Variants in ABCG2 observed in about 807,000 individuals in gnomAD.
ABCG2 encodes ATP binding cassette subfamily G member 2 (JR blood group).
In ABCG2, 80 loss-of-function variants were observed where a neutral mutation model predicts 73.5. The observed-to-expected ratio is 1.09, with a 90% confidence interval of 0.91 to 1.31. The LOEUF (loss-of-function observed/expected upper bound fraction) is 1.31. Ranked by LOEUF, ABCG2 falls within the 50% of genes most tolerant of loss-of-function variation. The pLI, the probability that ABCG2 is intolerant of heterozygous loss-of-function variation, is 0.00. For missense variants in ABCG2, 796 were observed against 786.2 expected (o/e 1.01, Z -0.15); for synonymous variants, 269 against 282.4 (o/e 0.95, Z 0.48).
In ABCG2 at chr4:88,090,978, A is replaced by G. The variant is rs1054714130; in HGVS notation, c.*1256T>C. The G allele has an allele frequency of 6.6e-6, 1 of 152,262 alleles. No individual in the cohort carries two copies. The highest frequency in any genetic ancestry group is 1.5e-5 in the Non-Finnish European group (1 of 68,042). 9.4% of individuals were successfully genotyped at this position (152,262 alleles called of 1,614,324 possible). A position where few individuals can be genotyped will look rare whatever the true frequency, so the allele number is the denominator to read the frequency against. On this transcript the variant is annotated 3_prime_UTR_variant, in exon 16 of 16. Coordinates refer to ENST00000237612, the MANE Select transcript of ABCG2 (RefSeq NM_004827.3). ...AAAATTATTTCCAAATTAAAAGTTT[A>G]TTAAAAAGTGGGGAGATAATTAAGT...
intron 1 of ABCG2, among the ~76,000 whole-genome samples, chr4:88,217,842 T>C (rs1357700384): frequency 1.3e-5 from 2 of 152,024 alleles, no homozygotes; most frequent in East Asian, 3.9e-4. Flanking sequence ...AGCATGTTCC[T>C]GTAGTCCCAA....
intron 1 of ABCG2, among the ~76,000 whole-genome samples, chr4:88,189,989 A>G (rs1728620067): frequency 6.6e-6 from 1 of 152,228 alleles, no homozygotes; most frequent in Non-Finnish European, 1.5e-5. Flanking sequence ...TTAAAGTGGT[A>G]TGAATGAATG....
intron 1 of ABCG2, 74 bp downstream of exon 1, chr4:88,158,312 C>T (rs1176132133): frequency 3.1e-6 from 1 of 325,524 alleles, no homozygotes. Context: ...GATTTTCTAA[C>T]AAATATATAC....
At chr4:88,149,373 C>G (rs571135259) in intron 1 of ABCG2, among the ~76,000 whole-genome samples, 8 of 152,332 alleles carry the variant, frequency 5.3e-5, no homozygotes, top group African/African-American at 1.7e-4. Context: ...TTTTCTTAAT[C>G]TAATCTGCAA....
At chr4:88,217,618 C>T (rs1053285094) in intron 1 of ABCG2, among the ~76,000 whole-genome samples, 9 of 151,254 alleles carry the variant, frequency 6.0e-5, no homozygotes, top group African/African-American at 1.5e-4. Context: ...GCCAAGATCA[C>T]GCCACAGCAC....
At position 88,127,475 on chromosome 4, in the gene ABCG2, T is replaced by C. The variant is rs150136416; in HGVS notation, c.531+3586A>G. ...AGCCTGTATAGCCAAGACAATCCTA[T>C]GCAAAAAGAACAAAGCTGGAGGCAT... On this transcript the variant is annotated intron_variant, in intron 5 of 15. Coordinates refer to ENST00000237612, the MANE Select transcript of ABCG2 (RefSeq NM_004827.3). 3.2e-3 allele frequency among the ~76,000 whole-genome samples: 482 copies of C among 152,076 alleles called. 2 individuals are homozygous for C. Among genetic ancestry groups the C allele is most frequent in the African/African-American group, 0.011 (457 of 41,508 alleles).
intron 1 of ABCG2, among the ~76,000 whole-genome samples, chr4:88,177,573 A>G (rs982806563): frequency 5.3e-5 from 8 of 152,126 alleles, no homozygotes; most frequent in African/African-American, 1.7e-4. Flanking sequence ...AAATTGAACC[A>G]CTATCTACCC....
intron 1 of ABCG2, among the ~76,000 whole-genome samples, chr4:88,211,358 G>GGCCCC (rs1553900212): frequency 3.0e-5 from 1 of 33,674 alleles, no homozygotes; most frequent in Non-Finnish European, 5.6e-5. Flanking sequence ...TTCAACCCCT[G>GGCCCC]CCCCACCCCC....
At chr4:88,092,432 T>A (rs749920850) in intron 15 of ABCG2, 51 bp from the exon 16 acceptor site, 41 of 1,579,186 alleles carry the variant, frequency 2.6e-5, no homozygotes, top group Middle Eastern at 1.7e-4. Flanking sequence ...ATCCGTCAAA[T>A]GTTACTCAGT....
intron 1 of ABCG2, among the ~76,000 whole-genome samples, chr4:88,216,541 C>G (rs1461602322): frequency 1.3e-5 from 2 of 152,108 alleles, no homozygotes; most frequent in South Asian, 2.1e-4. Flanking sequence ...TTTCCCTCAC[C>G]AAGGCTGCTG....
At chr4:88,177,874 A>T (rs1728075693) in intron 1 of ABCG2, among the ~76,000 whole-genome samples, 1 of 152,160 alleles carries the variant, frequency 6.6e-6, no homozygotes, top group African/African-American at 2.4e-5. Context: ...CAGCATTTAG[A>T]CCAGAGGTAA....
rs1444444284 is a variant in ABCG2, at chr4:88,090,528, CA to C, written c.*1705del. The C allele has an allele frequency of 6.6e-6, 1 of 151,956 alleles. No individual in the cohort carries two copies. 9.4% of individuals were successfully genotyped at this position (151,956 alleles called of 1,614,324 possible). A position where few individuals can be genotyped will look rare whatever the true frequency, so the allele number is the denominator to read the frequency against. ...GATGACGCATTAATCAAATGTCATC[CA>C]AAAAGAAAAAAGTTCAAAGATAAAA... On this transcript the variant is annotated 3_prime_UTR_variant, in exon 16 of 16. Coordinates refer to ENST00000237612, the MANE Select transcript of ABCG2 (RefSeq NM_004827.3).
At chr4:88,099,636 C>T (rs1368662597) in intron 11 of ABCG2, among the ~76,000 whole-genome samples, 188 bp from the exon 12 acceptor site, 1 of 152,150 alleles carries the variant, frequency 6.6e-6, no homozygotes, top group African/African-American at 2.4e-5. Context: ...GAGAAAGCAT[C>T]CCATGAAGCT....
At chr4:88,204,299 T>C (rs536348789) in intron 1 of ABCG2, among the ~76,000 whole-genome samples, 7 of 152,104 alleles carry the variant, frequency 4.6e-5, no homozygotes, top group Admixed American at 6.5e-5. Flanking sequence ...CAGGCGCCTG[T>C]AGTCCCAGCT....
intron 1 of ABCG2, among the ~76,000 whole-genome samples, chr4:88,171,107 G>A (rs924258614): frequency 2.0e-5 from 3 of 151,974 alleles, no homozygotes; most frequent in African/African-American, 4.8e-5. Flanking sequence ...AACAGACACG[G>A]GTCTACTTGA....
In ABCG2 at chr4:88,118,207, G is replaced by C. The variant is rs557785561; in HGVS notation, c.743C>G (p.Ser248Cys). Reference sequence around the variant, plus strand: ...GAGGCTATCAAACAACTTGAAGATGGAATATCGAGGCTGATGAATGGAGAA... The same window carrying C: ...GAGGCTATCAAACAACTTGAAGATGCAATATCGAGGCTGATGAATGGAGAA... ...IIFSIHQPRY[S>C]IFKLFDSLTL... The change falls in exon 7 of 16, where the codon TCC becomes TGC. Residue 248 changes from serine to cysteine, a missense_variant. Physicochemically the swap from Ser to Cys is moderately radical, Grantham distance 112. Coordinates refer to ENST00000237612, the MANE Select transcript of ABCG2 (RefSeq NM_004827.3). The C allele has an allele frequency of 1.5e-5, 24 of 1,614,138 alleles. No individual in the cohort carries two copies. Among genetic ancestry groups the C allele is most frequent in the African/African-American group, 6.7e-5 (5 of 75,050 alleles).
chr4:88,214,382 C>G (rs1233809000), intron 1 of ABCG2, among the ~76,000 whole-genome samples: 1 of 152,144 alleles, frequency 6.6e-6, no homozygotes, highest in Non-Finnish European at 1.5e-5. Context: ...TCAAAAGATA[C>G]TCACTTCTCC....
At position 88,131,867 on chromosome 4, in the gene ABCG2, T is replaced by C. The variant is rs1724910246; in HGVS notation, c.314A>G (p.Asp105Gly). ...TCGCGGTGCTCCATTTATCAGAACATCTCCAGATAATCCACTTGGATCTTT... is the reference window on the plus strand; with the variant it reads ...TCGCGGTGCTCCATTTATCAGAACACCTCCAGATAATCCACTTGGATCTTT... ...ARKDPSGLSGDVLINGAPRPA... is the reference protein window; with the variant it reads ...ARKDPSGLSGGVLINGAPRPA... The change falls in exon 4 of 16, where the codon GAT becomes GGT. Residue 105 changes from aspartate (D) to glycine (G), a missense_variant. Transcript: ENST00000237612. The C allele has an allele frequency of 6.2e-7, 1 of 1,613,826 alleles. No individual in the cohort carries two copies. Among genetic ancestry groups the C allele is most frequent in the African/African-American group, 1.3e-5 (1 of 74,906 alleles).
chr4:88,164,543 A>G (rs549720655), intron 1 of ABCG2, among the ~76,000 whole-genome samples: 2 of 152,240 alleles, frequency 1.3e-5, no homozygotes, highest in South Asian at 4.2e-4. Flanking sequence ...TCCTGCCGCC[A>G]TGTGAAGAAG....
Sources: allele counts gnomAD v4.1 joint callset (sites outside exome capture counted in the v4.1 genomes callset), GRCh38; gene constraint gnomAD v4.1.1; transcripts MANE v1.5; gene names NCBI Gene and HGNC (gene_info 2026-07-23, HGNC 2026-07-21).